Variants in PCDHGA5 observed in about 807,000 individuals in gnomAD.
The protein encoded by PCDHGA5 is protocadherin gamma-A5.
Under a neutral mutation model 56.7 loss-of-function variants are expected in PCDHGA5, and 36 were observed. The observed-to-expected ratio is 0.64, with a 90% CI of 0.49 to 0.84. The LOEUF (loss-of-function observed/expected upper bound fraction) is 0.84, where lower values mean the gene tolerates loss of function less well. PCDHGA5 is among the 40% of genes least tolerant of loss of function. The pLI, the probability that PCDHGA5 is intolerant of heterozygous loss-of-function variation, is 0.00. For missense variants in PCDHGA5, 1,305 were observed against 1,201.5 expected, an observed-to-expected ratio of 1.09 and a Z score of -1.27; for synonymous variants, 563 against 520.2, an observed-to-expected ratio of 1.08 and a Z score of -1.12.
chr5:141,444,282 C>T (rs1341316344), intron 1 of PCDHGA5, among the ~76,000 whole-genome samples: 1 of 148,268 alleles, frequency 6.7e-6, no homozygotes, highest in African/African-American at 2.5e-5. Flanking sequence ...AGTGATTCTC[C>T]TGCCTCAGCC....
At chr5:141,498,793 T>C (rs2154592354) in intron 2 of PCDHGA5, among the ~76,000 whole-genome samples, 1 of 152,028 alleles carries the variant, frequency 6.6e-6, no homozygotes, top group Non-Finnish European at 1.5e-5. Context: ...ATTAGCCAGG[T>C]GTGGTGGTGC....
intron 1 of PCDHGA5, chr5:141,441,857 ACGCCGC>A (rs2098279969): frequency 2.8e-6 from 1 of 352,664 alleles, no homozygotes; most frequent in Non-Finnish European, 5.6e-6. Flanking sequence ...ATGGTGCTGC[ACGCCGC>A]GGAGCCTGGC....
At chr5:141,456,918 G>C (rs535602842) in intron 1 of PCDHGA5, among the ~76,000 whole-genome samples, 49 of 152,124 alleles carry the variant, frequency 3.2e-4, no homozygotes, top group African/African-American at 1.2e-3. Context: ...AGCCGAGATC[G>C]CACCACTGCA....
At chr5:141,404,403 A>G (rs767148207) in intron 1 of PCDHGA5, 2 of 1,613,896 alleles carry the variant, frequency 1.2e-6, no homozygotes, top group East Asian at 4.5e-5. Flanking sequence ...AGCAATGAGA[A>G]TTCTAGAGTT....
chr5:141,427,768 A>C (rs1003238906), intron 1 of PCDHGA5: 4 of 1,393,994 alleles, frequency 2.9e-6, no homozygotes, highest in Non-Finnish European at 4.0e-6. Context: ...ACTGACTTGG[A>C]GCTGCGGGCA....
Position 141,477,657 on chromosome 5 carries a change from G to C in PCDHGA5, c.2422-17150G>C. 4 of 1,614,190 alleles carry C rather than the reference G, an allele frequency of 2.5e-6. No individual in the cohort carries two copies. Among genetic ancestry groups the C allele is most frequent in the Non-Finnish European group, 3.4e-6 (4 of 1,180,038 alleles). The stretch of plus-strand genomic sequence containing the variant: ...GTGGGTCGCTATTTCACAATAAATC[G>C]TGACAATGGCATAGTGTCATCCTTA... On this transcript the variant is annotated intron_variant, in intron 1 of 3. Coordinates refer to ENST00000518069, the MANE Select transcript of PCDHGA5 (RefSeq NM_018918.3). The surrounding 1 kb of genome is among the most constrained non-coding windows in gnomAD (Gnocchi z 4.9).
chr5:141,476,714 C>A lies in PCDHGA5; in HGVS notation c.2422-18093C>A, dbSNP rs146188020. 1 of 1,614,154 alleles carries A rather than the reference C, an allele frequency of 6.2e-7. No homozygotes were observed. The highest frequency in any genetic ancestry group is 1.1e-5 in the South Asian group (1 of 91,078). ...CAAGTACGCGGAGCTGGTGTTGGAG[C>A]GCGCCCTGGACCGAGAACGGGAGCC... On this transcript the variant is annotated intron_variant, in intron 1 of 3. Transcript: ENST00000518069. This position sits in a 1 kb window ranked among gnomAD's most constrained non-coding sequence, Gnocchi z 7.6.
chr5:141,504,135 C>T (rs758903340), intron 2 of PCDHGA5, among the ~76,000 whole-genome samples: 1 of 152,188 alleles, frequency 6.6e-6, no homozygotes, highest in Non-Finnish European at 1.5e-5. Context: ...CCCGCCAACA[C>T]TCCCCTGCAA....
chr5:141,395,036 G>C, intron 1 of PCDHGA5: 2 of 1,614,110 alleles, frequency 1.2e-6, no homozygotes, highest in South Asian at 1.1e-5. Context: ...CACATTTTGT[G>C]GGTGTTGAGG....
rs10038103 is a variant in PCDHGA5 at position 141,414,849 on chromosome 5, C to T, written c.2421+48098C>T. On this transcript the variant is annotated intron_variant, in intron 1 of 3. Transcript: ENST00000518069. ...TGTCGTTGAGCCTGTTTGTGCTGGA[C>T]CAGAACGACAATGCGCCCGAGATCC... The T allele has an allele frequency of 7.9e-4, 1,268 of 1,614,252 alleles. 15 individuals carry two copies. In the African/African-American group the frequency reaches 0.015, roughly 19 times the overall value.
At chr5:141,385,096 G>C (rs746092295) in intron 1 of PCDHGA5, 2 of 1,614,072 alleles carry the variant, frequency 1.2e-6, no homozygotes, top group South Asian at 2.2e-5. Context: ...AGGTGGCTTG[G>C]CGAACGTGCC....
intron 1 of PCDHGA5, chr5:141,405,646 T>G: frequency 1.9e-6 from 1 of 526,208 alleles, no homozygotes; most frequent in East Asian, 3.2e-5. Flanking sequence ...GGCTAATTTT[T>G]TGTGTGTTTT....
intron 1 of PCDHGA5, chr5:141,385,966 G>T (rs968695297): frequency 6.6e-6 from 1 of 152,176 alleles, no homozygotes. Context: ...AAGGCCATCG[G>T]ACAAAACCAA....
In PCDHGA5 at chr5:141,476,303, G is replaced by T. The variant is rs747567754; in HGVS notation, c.2422-18504G>T. ...TGGTTTGGATCTCGGTAGCCTCTCA[G>T]CCCGCAGGTTCCGGGTGGTGTCTGG... is the stretch of plus-strand genomic sequence containing the variant. On this transcript the variant is annotated intron_variant, in intron 1 of 3. Coordinates refer to ENST00000518069, the MANE Select transcript of PCDHGA5 (RefSeq NM_018918.3). The surrounding 1 kb of genome is among the most constrained non-coding windows in gnomAD (Gnocchi z 7.6). 6.2e-7 allele frequency: 1 copy of T among 1,613,872 alleles called. No individual in the cohort carries two copies. Among genetic ancestry groups the T allele is most frequent in the Admixed American group, 1.7e-5 (1 of 60,000 alleles).
chr5:141,488,054 A>G (rs1255295788), intron 1 of PCDHGA5, among the ~76,000 whole-genome samples: 1 of 152,206 alleles, frequency 6.6e-6, no homozygotes, highest in Admixed American at 6.5e-5. Flanking sequence ...TTGAGGGGAA[A>G]TAAAATCTTT....
chr5:141,460,686 C>A (rs2098995566), intron 1 of PCDHGA5, among the ~76,000 whole-genome samples: 1 of 151,698 alleles, frequency 6.6e-6, no homozygotes, highest in Admixed American at 6.6e-5. Context: ...TCTATATATC[C>A]ACCAACAGTT....
In PCDHGA5 at chr5:141,422,062, A is replaced by G. The variant is rs776838280; in HGVS notation, c.2421+55311A>G. The G allele has an allele frequency of 1.2e-6, 2 of 1,612,022 alleles. No individual in the cohort carries two copies. The highest frequency in any genetic ancestry group is 2.7e-5 in the African/African-American group (2 of 74,802). ...AGACGAGGGAATCAACGGGGAAGTAATGTATTCATTTCGGAACATGGAAAG... is the reference window on the plus strand; with the variant it reads ...AGACGAGGGAATCAACGGGGAAGTAGTGTATTCATTTCGGAACATGGAAAG... On this transcript the variant is annotated intron_variant, in intron 1 of 3. Transcript: ENST00000518069.
At position 141,431,516 on chromosome 5, in the gene PCDHGA5, G is replaced by C. The variant is rs941913367; in HGVS notation, c.2422-63291G>C. 3.1e-6 allele frequency: 5 copies of C among 1,613,954 alleles called. No homozygotes were observed. In the African/African-American group the frequency reaches 6.7e-5, roughly 22 times the overall value. On this transcript the variant is annotated intron_variant, in intron 1 of 3. Coordinates refer to ENST00000518069, the MANE Select transcript of PCDHGA5 (RefSeq NM_018918.3). This position sits in a 1 kb window ranked among gnomAD's most constrained non-coding sequence, Gnocchi z 4.8. ...GCCCGAGTACCGCGCGAGCGTTCCG[G>C]AGAATCTGGCCTTGGGCACGCAGCT... is the stretch of plus-strand genomic sequence containing the variant.
intron 1 of PCDHGA5, chr5:141,415,045 G>C: frequency 6.2e-7 from 1 of 1,613,538 alleles, no homozygotes; most frequent in Non-Finnish European, 8.5e-7. Flanking sequence ...CTTCGCGGTG[G>C]GGGAGCACAC....
Sources: gnomAD v4.1 joint callset for allele counts (sites outside exome capture counted in the v4.1 genomes callset) on GRCh38, gnomAD v4.1.1 for gene constraint, Gnocchi (gnomAD v3.1) non-coding constraint, MANE v1.5 for transcripts, NCBI Gene and HGNC (gene_info 2026-07-23, HGNC 2026-07-21) for gene names.